PANK3: variants seen among roughly 807,000 people sequenced by gnomAD.
The protein encoded by PANK3 is pantothenate kinase 3, also known as hPanK3.
In PANK3, 20 loss-of-function variants were observed where a neutral mutation model predicts 39.4. The observed-to-expected ratio is 0.51, with a 90% confidence interval of 0.36 to 0.74. The LOEUF (loss-of-function observed/expected upper bound fraction) is 0.74. PANK3 is among the 30% of genes least tolerant of loss of function. The pLI, the probability that PANK3 is intolerant of heterozygous loss-of-function variation, is 0.00. For missense variants in PANK3, 265 were observed against 437.0 expected (o/e 0.61, Z 3.51); for synonymous variants, 140 against 157.3 (o/e 0.89, Z 0.82).
chr5:168,575,160 C>A (rs1759712304), intron 1 of PANK3, among the ~76,000 whole-genome samples: 1 of 152,176 alleles, frequency 6.6e-6, no homozygotes, highest in Non-Finnish European at 1.5e-5. Context: ...TAGAATCTCT[C>A]ATGACCTGTT....
At chr5:168,577,858 G>C (rs1284443082) in intron 1 of PANK3, among the ~76,000 whole-genome samples, 3 of 152,178 alleles carry the variant, frequency 2.0e-5, no homozygotes, top group Non-Finnish European at 4.4e-5. Flanking sequence ...ACGTATGCGT[G>C]AGGGAAAATG....
chr5:168,565,318 C>A (rs1561841018), intron 3 of PANK3, among the ~76,000 whole-genome samples: 1 of 152,036 alleles, frequency 6.6e-6, no homozygotes, highest in East Asian at 1.9e-4. Flanking sequence ...TATCTTATTT[C>A]TCATTCGTAT....
rs76828494 is a variant in PANK3 at position 168,560,781 on chromosome 5, T to C, written c.936+612A>G. 4.6e-3 allele frequency: 850 copies of C among 186,074 alleles called. 20 individuals carry two copies. In the East Asian group the frequency reaches 0.061, roughly 13 times the overall value. 11.5% of individuals were successfully genotyped at this position (186,074 alleles called of 1,614,324 possible). On this transcript the variant is annotated intron_variant, in intron 5 of 6. Coordinates refer to ENST00000239231, the MANE Select transcript of PANK3 (RefSeq NM_024594.4). ...TATATAAGGAAGCTAGAATTAAATA[T>C]ATATATTCTCTTCCAAACAAAGAAT...
chr5:168,571,148 T>C (rs1056230196), intron 1 of PANK3, among the ~76,000 whole-genome samples: 3 of 152,168 alleles, frequency 2.0e-5, no homozygotes, highest in African/African-American at 7.2e-5. Context: ...GGTTATGAAA[T>C]TCAGTTTTAC....
intron 6 of PANK3, among the ~76,000 whole-genome samples, chr5:168,558,306 G>A (rs1206600396): frequency 2.0e-5 from 3 of 151,686 alleles, no homozygotes; most frequent in African/African-American, 2.4e-5. Context: ...GATTACAGGC[G>A]CCCGCCACCT....
Position 168,550,515 on chromosome 5 carries a change from A to C in PANK3, c.*7056T>G, listed in dbSNP as rs1183783790. 1.3e-5 allele frequency: 2 copies of C among 152,216 alleles called. No individual in the cohort carries two copies. Among genetic ancestry groups the C allele is most frequent in the Non-Finnish European group, 2.9e-5 (2 of 68,020 alleles). 9.4% of individuals were successfully genotyped at this position (152,216 alleles called of 1,614,324 possible). Reference sequence around the variant, plus strand: ...AACCTTTACAGATTTAAAAGTACAAACATTTTAATATACATATAAAACCTT... The same window carrying C: ...AACCTTTACAGATTTAAAAGTACAACCATTTTAATATACATATAAAACCTT... On this transcript the variant is annotated 3_prime_UTR_variant, in exon 7 of 7. Coordinates refer to ENST00000239231, the MANE Select transcript of PANK3 (RefSeq NM_024594.4).
rs950251152 is a variant in PANK3, at chr5:168,553,057, C to T, written c.*4514G>A. The stretch of plus-strand genomic sequence containing the variant: ...GTCCCCTACAATTGCTGAAGGATCT[C>T]ATTAGTACTCTTCCTTTCTGTTAAT... On this transcript the variant is annotated 3_prime_UTR_variant, in exon 7 of 7. Coordinates refer to ENST00000239231, the MANE Select transcript of PANK3 (RefSeq NM_024594.4). 5.1e-6 allele frequency: 2 copies of T among 389,790 alleles called. No homozygotes were observed. Among genetic ancestry groups the T allele is most frequent in the African/African-American group, 4.2e-5 (2 of 47,290 alleles). 24.1% of individuals were successfully genotyped at this position (389,790 alleles called of 1,614,324 possible).
intron 6 of PANK3, among the ~76,000 whole-genome samples, chr5:168,558,460 G>A (rs934189742): frequency 3.9e-5 from 6 of 152,012 alleles, no homozygotes; most frequent in African/African-American, 9.7e-5. Flanking sequence ...CACCGCACCC[G>A]GCCAAGACAT....
chr5:168,573,256 C>A (rs1453157345), intron 1 of PANK3, among the ~76,000 whole-genome samples: 1 of 151,462 alleles, frequency 6.6e-6, no homozygotes. Flanking sequence ...AGAACTCAGC[C>A]CTGCTATAAC....
Position 168,579,353 on chromosome 5 carries a change from G to A in PANK3, c.-70C>T, listed in dbSNP as rs1055574413. 28 of 1,334,980 alleles carry A rather than the reference G, an allele frequency of 2.1e-5. No homozygotes were observed. Among genetic ancestry groups the A allele is most frequent in the Middle Eastern group, 2.1e-4 (1 of 4,824 alleles). The allele number at this position is 1,334,980 out of a possible 1,614,324, so 82.7% of individuals were successfully genotyped here. A position where few individuals can be genotyped will look rare whatever the true frequency, so the allele number is the denominator to read the frequency against. On this transcript the variant is annotated 5_prime_UTR_variant, in exon 1 of 7. Coordinates refer to ENST00000239231, the MANE Select transcript of PANK3 (RefSeq NM_024594.4). ...TGAGAGCAGAGGCGGCGACTCCGGA[G>A]GTGGCTGGGCCGCGCGGCGAGGCCC...
chr5:168,579,171 TG>T, intron 1 of PANK3, 84 bp downstream of exon 1: 1 of 1,287,294 alleles, frequency 7.8e-7, no homozygotes, highest in Non-Finnish European at 1.0e-6. Context: ...GCGACGGGCT[TG>T]GAAGCCGACC....
In PANK3 at chr5:168,549,663, TATAA is replaced by T. The variant is rs1481972355; in HGVS notation, c.*7904_*7907del. The T allele has an allele frequency of 6.6e-6, 1 of 152,200 alleles. No homozygotes were observed. 9.4% of individuals were successfully genotyped at this position (152,200 alleles called of 1,614,324 possible). The stretch of plus-strand genomic sequence containing the variant: ...AGTTGCAGCAAAAACGCCGAAATTC[TATAA>T]GAAAAAAACTGATTTACCCCAAACA... On this transcript the variant is annotated 3_prime_UTR_variant, in exon 7 of 7. Transcript: ENST00000239231.
chr5:168,575,690 G>A lies in PANK3; in HGVS notation c.28+3566C>T, dbSNP rs574854707. ...AGTTCTAGCTACTGGGGAGGCTGAG[G>A]GGGGAGGATTGCTTGAGCCTGGCAT... On this transcript the variant is annotated intron_variant, in intron 1 of 6. Transcript: ENST00000239231. Among the ~76,000 whole-genome samples, 4 of 152,148 alleles carry A rather than the reference G, an allele frequency of 2.6e-5. 1 individual carries two copies. The highest frequency in any genetic ancestry group is 4.1e-4 in the South Asian group (2 of 4,834).
At chr5:168,572,912 A>C (rs1759664424) in intron 1 of PANK3, among the ~76,000 whole-genome samples, 1 of 152,152 alleles carries the variant, frequency 6.6e-6, no homozygotes, top group African/African-American at 2.4e-5. Context: ...GGAGAGATTC[A>C]ACTGAAGAAA....
At chr5:168,559,260 C>A in intron 5 of PANK3, 103 bp from the exon 6 acceptor site, 1 of 767,870 alleles carries the variant, frequency 1.3e-6, no homozygotes. Flanking sequence ...TGCAAAAAAA[C>A]ACAACTACGC....
At chr5:168,568,598 T>C (rs377051705) in intron 2 of PANK3, 48 bp downstream of exon 2, 25 of 1,332,728 alleles carry the variant, frequency 1.9e-5, no homozygotes, top group Admixed American at 1.2e-4. Flanking sequence ...CCTACTCTCA[T>C]ATTTAAAAAC....
rs1161768351 is a variant in PANK3, at chr5:168,549,213, T to C, written c.*8358A>G. The C allele has an allele frequency of 6.6e-6, 1 of 152,210 alleles. No individual in the cohort carries two copies. The highest frequency in any genetic ancestry group is 2.4e-5 in the African/African-American group (1 of 41,458). The allele number at this position is 152,210 out of a possible 1,614,324, so 9.4% of individuals were successfully genotyped here. A position where few individuals can be genotyped will look rare whatever the true frequency, so the allele number is the denominator to read the frequency against. On this transcript the variant is annotated 3_prime_UTR_variant, in exon 7 of 7. Transcript: ENST00000239231. Reference sequence around the variant, plus strand: ...TATTCGGGGCAAGCAGACTAGGATATTGGTGTTACTTCTATAAAGTTACCT... The same window carrying C: ...TATTCGGGGCAAGCAGACTAGGATACTGGTGTTACTTCTATAAAGTTACCT...
chr5:168,566,861 G>C (rs1759543401), intron 2 of PANK3, among the ~76,000 whole-genome samples: 1 of 152,122 alleles, frequency 6.6e-6, no homozygotes, highest in Non-Finnish European at 1.5e-5. Flanking sequence ...CTCCGCCTCA[G>C]CCTCTCAAGT....
chr5:168,566,252 G>A lies in PANK3; in HGVS notation c.396C>T (p.His132=), dbSNP rs974877525. The A allele has an allele frequency of 6.3e-7, 1 of 1,597,502 alleles. No individual in the cohort carries two copies. Among genetic ancestry groups the A allele is most frequent in the Admixed American group, 1.7e-5 (1 of 59,656 alleles). ...EKDFRTIGNL[H]LHKLDELDCL... ...AGTCAAGTTCATCCAGTTTGTGCAG[G>A]TGGAGGTTTCCAATCTGTTAAAACA... The change falls in exon 3 of 7, where the codon CAC becomes CAT. Residue 132 remains histidine (H), a synonymous_variant. Transcript: ENST00000239231.
Sources: allele counts gnomAD v4.1 joint callset (sites outside exome capture counted in the v4.1 genomes callset), GRCh38; gene constraint gnomAD v4.1.1; transcripts MANE v1.5; gene names NCBI Gene and HGNC (gene_info 2026-07-23, HGNC 2026-07-21).